Variants in IMPA2 observed in about 807,000 individuals in gnomAD.
IMPA2 encodes the protein IMP 2.
Under a neutral mutation model 35.1 loss-of-function variants are expected in IMPA2, and 32 were observed. The observed-to-expected ratio is 0.91, with a 90% CI of 0.69 to 1.23. IMPA2 has a LOEUF of 1.23. Among genes scored for constraint, IMPA2 ranks in the 50% most tolerant of loss-of-function variants. IMPA2 has a pLI of 0.00. For synonymous variants in IMPA2, 135 were observed against 160.6 expected, an observed-to-expected ratio of 0.84 and a Z score of 1.20; for missense variants, 334 against 387.6, an observed-to-expected ratio of 0.86 and a Z score of 1.16.
In IMPA2 at chr18:12,014,135, GT is replaced by G. The variant is rs1222119969; in HGVS notation, c.382-129del. On this transcript the variant is annotated intron_variant, in intron 4 of 7. Transcript: ENST00000269159. Reference sequence around the variant, plus strand: ...CTTTTTCTCAGTTCCTTTTGGAAAGGTAATTTCTGTCACAGTGTAATGTGTT... The same window carrying G: ...CTTTTTCTCAGTTCCTTTTGGAAAGGAATTTCTGTCACAGTGTAATGTGTT... 22 of 687,400 alleles carry G rather than the reference GT, an allele frequency of 3.2e-5. No homozygotes were observed. In the East Asian group the frequency reaches 6.1e-4, roughly 19 times the overall value. The allele number at this position is 687,400 out of a possible 1,614,324, so 42.6% of individuals were successfully genotyped here. A position where few individuals can be genotyped will look rare whatever the true frequency, so the allele number is the denominator to read the frequency against.
chr18:12,014,769 C>T lies in IMPA2; in HGVS notation c.490+396C>T, dbSNP rs574753125. 2.2e-3 allele frequency among the ~76,000 whole-genome samples: 338 copies of T among 152,218 alleles called. 2 individuals are homozygous for T. The highest frequency in any genetic ancestry group is 0.018 in the South Asian group (86 of 4,810). On this transcript the variant is annotated intron_variant, in intron 5 of 7. Coordinates refer to ENST00000269159, the MANE Select transcript of IMPA2 (RefSeq NM_014214.3). ...CTGCTGCCCAGGTGCAGTCTGTGGCCCCTGAGTGTGCACAACAGTAACTGG... is the reference window on the plus strand; with the variant it reads ...CTGCTGCCCAGGTGCAGTCTGTGGCTCCTGAGTGTGCACAACAGTAACTGG...
rs3786284 is a variant in IMPA2, at chr18:12,010,647, G to A, written c.335+660G>A. Among the ~76,000 whole-genome samples the A allele has an allele frequency of 0.14, 21,808 of 152,122 alleles. 1,715 individuals carry two copies. The highest frequency in any genetic ancestry group is 0.22 in the Admixed American group (3,359 of 15,296). ...GAGCATGATGTGGCTTAAACGGAGC[G>A]TGGTTCTCCAGCTCTGGAGAACCCT... On this transcript the variant is annotated intron_variant, in intron 3 of 7. Transcript: ENST00000269159. The surrounding 1 kb of genome is among the most constrained non-coding windows in gnomAD (Gnocchi z 4.8).
chr18:11,987,935 A>G (rs1906710261), intron 1 of IMPA2, among the ~76,000 whole-genome samples: 1 of 142,890 alleles, frequency 7.0e-6, no homozygotes, highest in African/African-American at 2.6e-5. Flanking sequence ...TTGAGTTGGT[A>G]TTTTATTGTA....
chr18:11,991,733 G>T lies in IMPA2; in HGVS notation c.97-7321G>T, dbSNP rs1288233386. Among the ~76,000 whole-genome samples, 1 of 152,210 alleles carries T rather than the reference G, an allele frequency of 6.6e-6. No homozygotes were observed. Among genetic ancestry groups the T allele is most frequent in the African/African-American group, 2.4e-5 (1 of 41,460 alleles). ...CCCCCTCTTACTTGGGGGAGGGTCA[G>T]CCTTTTCATTCTGTTTGGGCCCTCA... On this transcript the variant is annotated intron_variant, in intron 1 of 7. Transcript: ENST00000269159. The surrounding 1 kb of genome is among the most constrained non-coding windows in gnomAD (Gnocchi z 4.1).
At chr18:12,025,875 C>T (rs114409236) in intron 5 of IMPA2, among the ~76,000 whole-genome samples, 1,632 of 151,924 alleles carry the variant, frequency 0.011, 40 homozygotes, top group African/African-American at 0.036. Flanking sequence ...GGCTTTGTCT[C>T]GTTGTTAATC....
At chr18:11,988,882 A>G (rs754448724) in intron 1 of IMPA2, among the ~76,000 whole-genome samples, 3 of 152,036 alleles carry the variant, frequency 2.0e-5, no homozygotes, top group Non-Finnish European at 4.4e-5. Context: ...CCCTGGCTGG[A>G]GTGCAGTGGT....
At chr18:12,015,522 C>T (rs969141759) in intron 5 of IMPA2, among the ~76,000 whole-genome samples, 10 of 152,268 alleles carry the variant, frequency 6.6e-5, no homozygotes, top group East Asian at 3.9e-4. Context: ...GGAGAGGGCC[C>T]GCCACTGTGT....
At position 11,999,021 on chromosome 18, in the gene IMPA2, A is replaced by G. The variant is rs534858144; in HGVS notation, c.97-33A>G. On this transcript the variant is annotated intron_variant, in intron 1 of 7. Transcript: ENST00000269159. ...CTTTGCCTGGGAGGAGGATGTTTGC[A>G]TGTTTAACCCAAATCCCGTACTTTT... 2.8e-5 allele frequency: 43 copies of G among 1,561,698 alleles called. No individual in the cohort carries two copies. The African/African-American group carries it at 5.1e-4, about 18-fold the overall frequency.
At chr18:11,982,681 T>C (rs554094610) in intron 1 of IMPA2, among the ~76,000 whole-genome samples, 9 of 151,766 alleles carry the variant, frequency 5.9e-5, no homozygotes, top group Non-Finnish European at 1.2e-4. Flanking sequence ...TAGTTCCAGC[T>C]ATTTGGGAGG....
chr18:11,999,556 G>C (rs1344256385), intron 2 of IMPA2, among the ~76,000 whole-genome samples: 1 of 152,248 alleles, frequency 6.6e-6, no homozygotes, highest in East Asian at 1.9e-4. Context: ...GATGTCCCCT[G>C]GTGGCCTATG....
At chr18:12,025,795 G>C (rs922738245) in intron 5 of IMPA2, among the ~76,000 whole-genome samples, 1 of 152,124 alleles carries the variant, frequency 6.6e-6, no homozygotes, top group East Asian at 1.9e-4. Context: ...GGCCAGGCTG[G>C]TCTCAAACTC....
chr18:11,990,788 C>T (rs1399874114), intron 1 of IMPA2, among the ~76,000 whole-genome samples: 1 of 152,196 alleles, frequency 6.6e-6, no homozygotes, highest in African/African-American at 2.4e-5. Flanking sequence ...CTCTGTTTAG[C>T]GATGGTGGAC....
intron 2 of IMPA2, among the ~76,000 whole-genome samples, chr18:11,999,725 G>C (rs595499): frequency 0.21 from 31,265 of 152,306 alleles, 3,855 homozygotes; most frequent in East Asian, 0.35. Flanking sequence ...CCGGGCCCCA[G>C]AGCTGTCCCT....
chr18:12,011,829 C>A (rs1427381202), intron 3 of IMPA2, among the ~76,000 whole-genome samples: 1 of 152,134 alleles, frequency 6.6e-6, no homozygotes, highest in Non-Finnish European at 1.5e-5. Flanking sequence ...CTGGGTCTGG[C>A]CTTTGGGGAG....
At chr18:12,001,185 C>T (rs570505137) in intron 2 of IMPA2, among the ~76,000 whole-genome samples, 1 of 152,116 alleles carries the variant, frequency 6.6e-6, no homozygotes, top group South Asian at 2.1e-4. Flanking sequence ...GCCGAGGTCA[C>T]ACCACTGCAC....
intron 1 of IMPA2, among the ~76,000 whole-genome samples, chr18:11,988,856 G>A (rs9973177): frequency 0.15 from 22,309 of 152,030 alleles, 2,230 homozygotes; most frequent in East Asian, 0.28. Context: ...TTTTGAGACA[G>A]GGTATCGCTT....
chr18:12,013,650 C>T (rs113605189), intron 4 of IMPA2, among the ~76,000 whole-genome samples: 10 of 152,186 alleles, frequency 6.6e-5, no homozygotes, highest in Non-Finnish European at 1.5e-4. Context: ...CGTGGGCTGC[C>T]GTCCTTTTCC....
intron 2 of IMPA2, among the ~76,000 whole-genome samples, chr18:12,007,194 G>T (rs1360265198): frequency 7.1e-6 from 1 of 140,102 alleles, no homozygotes; most frequent in Non-Finnish European, 1.6e-5. Context: ...TCGGTGGGAG[G>T]ACAGCACTGC....
rs775737975 is a variant in IMPA2, at chr18:12,009,790, G to A, written c.231-93G>A. The stretch of plus-strand genomic sequence containing the variant: ...AACCATGATGACATCTGTTTGCTGT[G>A]CCACCTTTTTCTTTAATGGGACTGG... On this transcript the variant is annotated intron_variant, in intron 2 of 7. Transcript: ENST00000269159. 4 of 879,244 alleles carry A rather than the reference G, an allele frequency of 4.5e-6. No homozygotes were observed. The African/African-American group carries it at 4.9e-5, about 11-fold the overall frequency. The allele number at this position is 879,244 out of a possible 1,614,324, so 54.5% of individuals were successfully genotyped here.
Sources: allele counts gnomAD v4.1 joint callset (sites outside exome capture counted in the v4.1 genomes callset), GRCh38; gene constraint gnomAD v4.1.1; non-coding constraint Gnocchi (gnomAD v3.1); transcripts MANE v1.5; gene names NCBI Gene and HGNC (gene_info 2026-07-23, HGNC 2026-07-21).